Variants in SNX10 observed in about 807,000 individuals in gnomAD.
SNX10 encodes the protein sorting nexin 10.
Under a neutral mutation model 28.5 loss-of-function variants are expected in SNX10, and 25 were observed. The ratio of observed to expected loss-of-function variants is 0.88; its 90% CI spans 0.64 to 1.22. The LOEUF (loss-of-function observed/expected upper bound fraction) is 1.22, where lower values mean the gene tolerates loss of function less well. Among genes scored for constraint, SNX10 ranks in the 50% most tolerant of loss-of-function variants. The probability of loss-of-function intolerance (pLI) is 0.00; values close to 1 mark genes in which losing one functional copy is unlikely to be tolerated. For synonymous variants in SNX10, 62 were observed against 81.4 expected, an observed-to-expected ratio of 0.76 and a Z score of 1.28; for missense variants, 223 against 242.6, an observed-to-expected ratio of 0.92 and a Z score of 0.54.
At chr7:26,295,006 T>G (rs1481510377) in intron 1 of SNX10, among the ~76,000 whole-genome samples, 1 of 152,204 alleles carries the variant, frequency 6.6e-6, no homozygotes, top group Non-Finnish European at 1.5e-5. Flanking sequence ...TTTCCCTAAG[T>G]AACTACTCCT....
chr7:26,359,256 G>T (rs777592137), intron 2 of SNX10, among the ~76,000 whole-genome samples: 2 of 152,130 alleles, frequency 1.3e-5, no homozygotes, highest in Non-Finnish European at 2.9e-5. Flanking sequence ...TGCCCTAGAA[G>T]GTGAAACTTG....
chr7:26,360,879 A>G (rs1789035999), intron 2 of SNX10, 96 bp from the exon 3 acceptor site: 1 of 1,555,268 alleles, frequency 6.4e-7, no homozygotes, highest in Non-Finnish European at 8.6e-7. Flanking sequence ...GTTAAAGCTC[A>G]TTTCAGTTTT....
intron 2 of SNX10, among the ~76,000 whole-genome samples, chr7:26,359,643 G>A (rs911422911): frequency 1.3e-5 from 2 of 151,902 alleles, no homozygotes; most frequent in Non-Finnish European, 2.9e-5. Context: ...TTAGTAAAGA[G>A]CACCTGTTAA....
rs183457110 is a variant in SNX10 at position 26,354,934 on chromosome 7, A to G, written c.25-6041A>G. On this transcript the variant is annotated intron_variant, in intron 2 of 6. Coordinates refer to ENST00000338523, the MANE Select transcript of SNX10 (RefSeq NM_013322.3). ...ATTTTCTTTGATTTTTTTTTTTTCT[A>G]AAAGTTTTTCTAAAAGTTTTCTCTG... Among the ~76,000 whole-genome samples, 815 of 147,962 alleles carry G rather than the reference A, an allele frequency of 5.5e-3. 5 individuals carry two copies. Among genetic ancestry groups the G allele is most frequent in the Non-Finnish European group, 7.4e-3 (498 of 67,116 alleles).
intron 1 of SNX10, among the ~76,000 whole-genome samples, chr7:26,325,541 T>C (rs1787473452): frequency 1.3e-5 from 2 of 150,482 alleles, no homozygotes; most frequent in African/African-American, 4.9e-5. Flanking sequence ...CTCGAACTCC[T>C]AACTTTCCTA....
chr7:26,372,306 C>T (rs1019385014), intron 6 of SNX10, 185 bp from the exon 7 acceptor site: 14 of 605,712 alleles, frequency 2.3e-5, no homozygotes, highest in Non-Finnish European at 3.8e-5. Context: ...TTGAATTATT[C>T]GCGTTTAAAT....
chr7:26,339,779 C>T (rs1474502291), intron 1 of SNX10, among the ~76,000 whole-genome samples: 1 of 151,290 alleles, frequency 6.6e-6, no homozygotes, highest in Non-Finnish European at 1.5e-5. Context: ...GAACTCCTGA[C>T]CTTGTGATCC....
intron 2 of SNX10, among the ~76,000 whole-genome samples, chr7:26,352,192 C>G (rs1375331165): frequency 6.6e-6 from 1 of 151,922 alleles, no homozygotes; most frequent in Non-Finnish European, 1.5e-5. Context: ...TAAAAAGATT[C>G]TGAAAGATTG....
intron 2 of SNX10, among the ~76,000 whole-genome samples, chr7:26,347,290 TCTC>T (rs1309104251): frequency 6.6e-6 from 1 of 152,236 alleles, no homozygotes; most frequent in East Asian, 1.9e-4. Context: ...TTCAGGTTCT[TCTC>T]AGCAGTCCAG....
intron 2 of SNX10, among the ~76,000 whole-genome samples, chr7:26,352,244 TA>T (rs1788637529): frequency 6.6e-6 from 1 of 152,180 alleles, no homozygotes; most frequent in African/African-American, 2.4e-5. Context: ...TTTATAAATG[TA>T]GGTTATGCTC....
chr7:26,371,696 T>C, intron 5 of SNX10, 125 bp from the exon 6 acceptor site: 1 of 687,604 alleles, frequency 1.5e-6, no homozygotes, highest in Non-Finnish European at 2.5e-6. Flanking sequence ...GAGCCCATAA[T>C]TGATACAAAG....
chr7:26,356,190 A>C (rs1788811174), intron 2 of SNX10, among the ~76,000 whole-genome samples: 1 of 152,224 alleles, frequency 6.6e-6, no homozygotes, highest in Non-Finnish European at 1.5e-5. Flanking sequence ...ATCTTCAAAG[A>C]GTCTAGGAGT....
intron 1 of SNX10, among the ~76,000 whole-genome samples, chr7:26,331,306 C>T (rs544263431): frequency 1.3e-5 from 2 of 152,308 alleles, no homozygotes; most frequent in South Asian, 2.1e-4. Flanking sequence ...TGCATACAGG[C>T]CGGGCGTGGT....
intron 2 of SNX10, among the ~76,000 whole-genome samples, chr7:26,352,988 G>GT (rs143778431): frequency 0.057 from 8,525 of 149,464 alleles, 446 homozygotes; most frequent in East Asian, 0.25. Flanking sequence ...AGAAGAGGAG[G>GT]TTTTTTTTTT....
chr7:26,331,942 C>A (rs993501894), intron 1 of SNX10, among the ~76,000 whole-genome samples: 6 of 152,214 alleles, frequency 3.9e-5, no homozygotes, highest in Non-Finnish European at 8.8e-5. Context: ...ATCAGAACTT[C>A]ATTCCTTTAT....
chr7:26,323,122 A>G (rs1233509106), intron 1 of SNX10, among the ~76,000 whole-genome samples: 3 of 151,900 alleles, frequency 2.0e-5, no homozygotes, highest in African/African-American at 7.3e-5. Flanking sequence ...TGGCGGTGTG[A>G]GCCTGTAGTG....
chr7:26,372,754 C>T lies in SNX10; in HGVS notation c.*182C>T. 3.8e-6 allele frequency: 2 copies of T among 520,556 alleles called. No homozygotes were observed. The highest frequency in any genetic ancestry group is 5.7e-5 in the South Asian group (2 of 34,812). 32.2% of individuals were successfully genotyped at this position (520,556 alleles called of 1,614,324 possible). Reference sequence around the variant, plus strand: ...ATGTTGTCTTATTTTAGGTAAGCTTCTGTGTAAAGCTAAAAATCCTGTGAA... The same window carrying T: ...ATGTTGTCTTATTTTAGGTAAGCTTTTGTGTAAAGCTAAAAATCCTGTGAA... On this transcript the variant is annotated 3_prime_UTR_variant, in exon 7 of 7. Coordinates refer to ENST00000338523, the MANE Select transcript of SNX10 (RefSeq NM_013322.3).
rs1785941761 is a variant in SNX10 at position 26,292,038 on chromosome 7, A to AAGCCCGGCTC, written c.-71_-62dup. 6.6e-6 allele frequency: 1 copy of AAGCCCGGCTC among 151,374 alleles called. No individual in the cohort carries two copies. Among genetic ancestry groups the AAGCCCGGCTC allele is most frequent in the Admixed American group, 6.6e-5 (1 of 15,058 alleles). The allele number at this position is 151,374 out of a possible 1,614,324, so 9.4% of individuals were successfully genotyped here. A position where few individuals can be genotyped will look rare whatever the true frequency, so the allele number is the denominator to read the frequency against. On this transcript the variant is annotated 5_prime_UTR_variant, in exon 1 of 7. Coordinates refer to ENST00000338523, the MANE Select transcript of SNX10 (RefSeq NM_013322.3). ...TGAGTCAGCAAACTCCGCGGCCCGC[A>AAGCCCGGCTC]AGCCCGGCTCGGCCCGGCCCTGCTC... is the stretch of plus-strand genomic sequence containing the variant.
In SNX10 at chr7:26,339,406, A is replaced by AT. The variant is rs201149140; in HGVS notation, c.-23-7008dup. 5.8e-3 allele frequency among the ~76,000 whole-genome samples: 877 copies of AT among 151,564 alleles called. 9 individuals are homozygous for AT. The highest frequency in any genetic ancestry group is 0.02 in the African/African-American group (821 of 41,308). On this transcript the variant is annotated intron_variant, in intron 1 of 6. Transcript: ENST00000338523. ...CGGTCTTGCATATTTTTTAAATCGG[A>AT]TTTTTTATTTGTATAAATTTATGGG...
Sources: allele counts gnomAD v4.1 joint callset (sites outside exome capture counted in the v4.1 genomes callset), GRCh38; gene constraint gnomAD v4.1.1; transcripts MANE v1.5; gene names NCBI Gene and HGNC (gene_info 2026-07-23, HGNC 2026-07-21).